The following FAM120B variants were observed in gnomAD, a reference collection of about 807,000 sequenced individuals.
FAM120B encodes family with sequence similarity 120 member B, also known as constitutive coactivator of peroxisome proliferator-activated receptor gamma.
Under a neutral mutation model 96.3 loss-of-function variants are expected in FAM120B, and 83 were observed. The ratio of observed to expected loss-of-function variants is 0.86; its 90% CI spans 0.72 to 1.03. FAM120B has a LOEUF of 1.03. Among genes scored for constraint, FAM120B ranks in the 50% least tolerant of loss-of-function variants. FAM120B has a pLI of 0.00. For missense variants in FAM120B, 1,027 were observed against 1,121.2 expected, an observed-to-expected ratio of 0.92 and a Z score of 1.20; for synonymous variants, 407 against 402.7, an observed-to-expected ratio of 1.01 and a Z score of -0.13.
At chr6:170,384,672 C>T (rs1419590533) in intron 6 of FAM120B, among the ~76,000 whole-genome samples, 2 of 152,208 alleles carry the variant, frequency 1.3e-5, no homozygotes, top group East Asian at 1.9e-4. Flanking sequence ...ACGAAGCAGA[C>T]ATATCTGTAA....
intron 6 of FAM120B, among the ~76,000 whole-genome samples, chr6:170,369,916 T>TGC: frequency 6.6e-6 from 1 of 152,216 alleles, no homozygotes; most frequent in Non-Finnish European, 1.5e-5. Flanking sequence ...ATCTTATACT[T>TGC]AAGAGTTTAT....
chr6:170,341,122 A>G (rs1160718017), intron 4 of FAM120B, among the ~76,000 whole-genome samples: 1 of 152,172 alleles, frequency 6.6e-6, no homozygotes, highest in East Asian at 1.9e-4. Flanking sequence ...CCCTTCCCCC[A>G]GGTGCTCTGT....
chr6:170,340,964 T>A (rs1316643547), intron 4 of FAM120B, among the ~76,000 whole-genome samples: 1 of 152,228 alleles, frequency 6.6e-6, no homozygotes, highest in Non-Finnish European at 1.5e-5. Context: ...GGCACGGGGA[T>A]GAGGGACCCA....
intron 6 of FAM120B, among the ~76,000 whole-genome samples, chr6:170,378,271 C>T (rs1327285160): frequency 6.6e-6 from 1 of 152,090 alleles, no homozygotes; most frequent in Admixed American, 6.6e-5. Flanking sequence ...TCTAAGTTTT[C>T]TTTCTATAAG....
At position 170,388,325 on chromosome 6, in the gene FAM120B, C is replaced by G. The variant is rs138432822; in HGVS notation, c.2322C>G (p.Ser774=). 3.7e-6 allele frequency: 6 copies of G among 1,613,970 alleles called. No individual in the cohort carries two copies. In the African/African-American group the frequency reaches 8.0e-5, roughly 22 times the overall value. ...YINPRAVQLG[S]LLVRGLTTLV... is the part of the protein sequence containing the mutation. ...ACCCCAGAGCCGTGCAGCTGGGCTC[C>G]CTTCTCGTCCGCGGCCTCACCACTC... Residue 774 remains serine, a synonymous_variant, in exon 7 of 11, where the codon TCC becomes TCG. Transcript: ENST00000476287.
At chr6:170,329,308 A>G (rs1229058702) in intron 3 of FAM120B, among the ~76,000 whole-genome samples, 1 of 152,216 alleles carries the variant, frequency 6.6e-6, no homozygotes, top group Non-Finnish European at 1.5e-5. Context: ...TGGGCACAAA[A>G]TTGGCGTGAT....
rs183091450 is a variant in FAM120B at position 170,379,932 on chromosome 6, G to A, written c.2284-8355G>A. On this transcript the variant is annotated intron_variant, in intron 6 of 10. Transcript: ENST00000476287. ...TAGAGTGTTATTAACTCTAGTCCTC[G>A]TGCCATGCATTAGATCTCTCCAGAC... Among the ~76,000 whole-genome samples the A allele has an allele frequency of 3.8e-3, 585 of 152,226 alleles. 3 individuals carry two copies. Among genetic ancestry groups the A allele is most frequent in the African/African-American group, 0.013 (538 of 41,530 alleles).
chr6:170,379,109 A>G (rs1789754820), intron 6 of FAM120B, among the ~76,000 whole-genome samples: 1 of 152,236 alleles, frequency 6.6e-6, no homozygotes, highest in Admixed American at 6.5e-5. Context: ...TTTTGGAAGG[A>G]TCAGCCTGCT....
intron 5 of FAM120B, among the ~76,000 whole-genome samples, chr6:170,349,346 T>C (rs568019836): frequency 1.3e-4 from 20 of 152,346 alleles, no homozygotes; most frequent in Non-Finnish European, 2.1e-4. Flanking sequence ...GAATAGACAA[T>C]TATATAATTA....
At chr6:170,316,250 C>A (rs996851270) in intron 1 of FAM120B, among the ~76,000 whole-genome samples, 1 of 152,088 alleles carries the variant, frequency 6.6e-6, no homozygotes, top group African/African-American at 2.4e-5. Context: ...CTGGGAAATA[C>A]CCTCAACATG....
Position 170,295,431 on chromosome 6 carries a change from G to A in FAM120B, c.26G>A (p.Ser9Asn). 2 of 701,864 alleles carry A rather than the reference G, an allele frequency of 2.8e-6. No homozygotes were observed. Among genetic ancestry groups the A allele is most frequent in the Non-Finnish European group, 5.2e-6 (2 of 384,618 alleles). The allele number at this position is 701,864 out of a possible 1,614,324, so 43.5% of individuals were successfully genotyped here. Residue 9 changes from serine (S) to asparagine (N), a missense_variant, in exon 1 of 11, where the codon AGC becomes AAC. Physicochemically the swap from Ser to Asn is conservative, Grantham distance 46. Coordinates refer to the FAM120B transcript ENST00000537664. The surrounding 1 kb of genome is among the most constrained non-coding windows in gnomAD (Gnocchi z 7.8). ...ATGTTTGGACCTCGAGGCTCCACCA[G>A]CGCTGGCGCAGGCAGGAAGGAGGTG...
intron 3 of FAM120B, among the ~76,000 whole-genome samples, chr6:170,329,989 A>G (rs1026984963): frequency 6.6e-6 from 1 of 151,914 alleles, no homozygotes; most frequent in Non-Finnish European, 1.5e-5. Context: ...CTTCCCCCTT[A>G]AGCACCTGTT....
At chr6:170,357,069 C>A (rs1311321026) in intron 5 of FAM120B, among the ~76,000 whole-genome samples, 1 of 152,066 alleles carries the variant, frequency 6.6e-6, no homozygotes, top group Non-Finnish European at 1.5e-5. Flanking sequence ...GTTTTTATTG[C>A]AAATAGGCAT....
At chr6:170,292,177 C>A (rs1345291194), upstream of FAM120B, among the ~76,000 whole-genome samples, 1 of 152,244 alleles carries the variant, frequency 6.6e-6, no homozygotes, top group Non-Finnish European at 1.5e-5. This position sits in a 1 kb window ranked among gnomAD's most constrained non-coding sequence, Gnocchi z 6.6. Context: ...AACCCACAAC[C>A]TTTACACAAC....
At chr6:170,330,638 T>C (rs529235206) in intron 4 of FAM120B, 88 bp downstream of exon 4, 7 of 975,788 alleles carry the variant, frequency 7.2e-6, no homozygotes, top group African/African-American at 4.9e-5. Context: ...AAAGCATCTT[T>C]TACCAGAATT....
intron 4 of FAM120B, among the ~76,000 whole-genome samples, chr6:170,340,527 G>A (rs1478714520): frequency 6.6e-6 from 1 of 152,142 alleles, no homozygotes; most frequent in African/African-American, 2.4e-5. Context: ...GTCCAGTTTT[G>A]TGCCCTTGCT....
chr6:170,350,952 G>T (rs572203931), intron 5 of FAM120B, among the ~76,000 whole-genome samples: 26 of 152,218 alleles, frequency 1.7e-4, no homozygotes, highest in Non-Finnish European at 3.1e-4. Context: ...TGCCTAAATC[G>T]ACAGAAGTAG....
Position 170,359,793 on chromosome 6 carries a change from C to T in FAM120B, c.2283+1475C>T, listed in dbSNP as rs182017866. On this transcript the variant is annotated intron_variant, in intron 6 of 10. Transcript: ENST00000476287. The stretch of plus-strand genomic sequence containing the variant: ...AACTAATTCTCATAGCATAGCAGTC[C>T]AACTAATGAACAATGCCAGATTTTT... Among the ~76,000 whole-genome samples, 227 of 152,274 alleles carry T rather than the reference C, an allele frequency of 1.5e-3. 1 individual carries two copies. The highest frequency in any genetic ancestry group is 5.3e-3 in the African/African-American group (221 of 41,538).
upstream of FAM120B, among the ~76,000 whole-genome samples, chr6:170,304,232 A>C (rs1784205945): frequency 6.6e-6 from 1 of 152,216 alleles, no homozygotes; most frequent in Non-Finnish European, 1.5e-5. Context: ...TTTTCTTCAG[A>C]ATTTTGAAGT....
Sources: allele counts gnomAD v4.1 joint callset (sites outside exome capture counted in the v4.1 genomes callset), GRCh38; gene constraint gnomAD v4.1.1; non-coding constraint Gnocchi (gnomAD v3.1); transcripts MANE v1.5; gene names NCBI Gene and HGNC (gene_info 2026-07-23, HGNC 2026-07-21).